Variants in GPR176 observed in about 807,000 individuals in gnomAD.
The protein encoded by GPR176 is G protein-coupled receptor 176.
A neutral mutation model predicts 35.4 loss-of-function variants in GPR176; 26 were observed. The observed-to-expected ratio is 0.74, with a 90% confidence interval of 0.54 to 1.02. The LOEUF is 1.02. GPR176 is among the 50% of genes least tolerant of loss of function. The pLI is 0.00. For synonymous variants in GPR176, 278 were observed against 271.3 expected, an observed-to-expected ratio of 1.02 and a Z score of -0.24; for missense variants, 597 against 665.3, an observed-to-expected ratio of 0.90 and a Z score of 1.13.
intron 1 of GPR176, among the ~76,000 whole-genome samples, chr15:39,855,568 A>C (rs1251335205): frequency 1.3e-5 from 2 of 152,132 alleles, no homozygotes; most frequent in Non-Finnish European, 2.9e-5. Context: ...GGTTCTCGCA[A>C]GCAGCTGTGG....
At chr15:39,847,826 T>G (rs137884961) in intron 1 of GPR176, among the ~76,000 whole-genome samples, 23 of 150,528 alleles carry the variant, frequency 1.5e-4, no homozygotes, top group African/African-American at 5.6e-4. Context: ...CACACTGCTA[T>G]AAAGAACTAC....
intron 1 of GPR176, among the ~76,000 whole-genome samples, chr15:39,873,998 T>C (rs530759544): frequency 2.0e-4 from 31 of 152,332 alleles, no homozygotes; most frequent in Middle Eastern, 6.8e-3. Flanking sequence ...CTAGCCATGC[T>C]TCCCCCAAAA....
chr15:39,817,131 C>T (rs1899972829), intron 1 of GPR176, among the ~76,000 whole-genome samples: 1 of 150,358 alleles, frequency 6.7e-6, no homozygotes, highest in Non-Finnish European at 1.5e-5. Flanking sequence ...AGTAGGTAGC[C>T]AGCAAGCGCC....
At chr15:39,833,844 A>G (rs997212465) in intron 1 of GPR176, among the ~76,000 whole-genome samples, 4 of 152,176 alleles carry the variant, frequency 2.6e-5, no homozygotes, top group South Asian at 4.1e-4. Flanking sequence ...CAGCTGGCGC[A>G]GAAATGAGTC....
At chr15:39,818,276 A>C (rs1308734529) in intron 1 of GPR176, among the ~76,000 whole-genome samples, 1 of 152,222 alleles carries the variant, frequency 6.6e-6, no homozygotes, top group Non-Finnish European at 1.5e-5. Context: ...TTTTAGCTAC[A>C]ATTAATTTGA....
chr15:39,823,355 C>A (rs1391757906), intron 1 of GPR176, among the ~76,000 whole-genome samples: 1 of 152,128 alleles, frequency 6.6e-6, no homozygotes, highest in East Asian at 1.9e-4. Flanking sequence ...TCTTCCTCCT[C>A]CAATATTATC....
chr15:39,869,634 T>C (rs904656841), intron 1 of GPR176, among the ~76,000 whole-genome samples: 3 of 152,226 alleles, frequency 2.0e-5, no homozygotes, highest in African/African-American at 7.2e-5. Context: ...TTTTAATCCC[T>C]TCATTCTTTT....
intron 1 of GPR176, among the ~76,000 whole-genome samples, chr15:39,822,234 T>C (rs1296453055): frequency 6.6e-6 from 1 of 152,214 alleles, no homozygotes; most frequent in Non-Finnish European, 1.5e-5. Flanking sequence ...GCTAAGCTGT[T>C]CCTAAATTCC....
intron 1 of GPR176, among the ~76,000 whole-genome samples, chr15:39,874,424 T>G (rs928126038): frequency 1.3e-5 from 2 of 152,244 alleles, no homozygotes; most frequent in African/African-American, 4.8e-5. Context: ...CTTTTTTTTA[T>G]ATTGACAGAG....
At chr15:39,811,320 T>C (rs1002831083) in intron 1 of GPR176, among the ~76,000 whole-genome samples, 7 of 152,202 alleles carry the variant, frequency 4.6e-5, no homozygotes, top group Non-Finnish European at 4.4e-5. Context: ...CACGCCACTC[T>C]ACCCAGCTAG....
intron 2 of GPR176, among the ~76,000 whole-genome samples, chr15:39,804,997 T>C (rs1360104823): frequency 6.6e-6 from 1 of 152,194 alleles, no homozygotes; most frequent in Middle Eastern, 3.2e-3. Flanking sequence ...AATAGAAATG[T>C]TTTAAAATTA....
chr15:39,860,672 G>A (rs1185591953), intron 1 of GPR176: 1 of 152,212 alleles, frequency 6.6e-6, no homozygotes, highest in East Asian at 1.9e-4. Flanking sequence ...GCTTACCCTA[G>A]TATGGATAGG....
intron 1 of GPR176, among the ~76,000 whole-genome samples, chr15:39,856,594 C>T (rs1174458279): frequency 6.6e-6 from 1 of 152,196 alleles, no homozygotes; most frequent in African/African-American, 2.4e-5. Context: ...CCAGGTGAAC[C>T]TTTTCACAGG....
chr15:39,892,386 T>C (rs491215), intron 1 of GPR176, among the ~76,000 whole-genome samples: 61,432 of 151,946 alleles, frequency 0.4, 12,793 homozygotes, highest in African/African-American at 0.5. Context: ...GAGATGACAG[T>C]AGTGGATGTG....
At chr15:39,840,973 T>C (rs796214086) in intron 1 of GPR176, among the ~76,000 whole-genome samples, 73 of 152,248 alleles carry the variant, frequency 4.8e-4, no homozygotes, top group African/African-American at 1.7e-3. Context: ...CATGATCACA[T>C]AGTAATTAAT....
intron 1 of GPR176, among the ~76,000 whole-genome samples, chr15:39,907,326 C>T (rs2033450807): frequency 6.6e-6 from 1 of 152,176 alleles, no homozygotes. Context: ...CGTGATCTAG[C>T]CCAGACTCTT....
At chr15:39,821,932 C>T (rs1900302303) in intron 1 of GPR176, among the ~76,000 whole-genome samples, 1 of 152,240 alleles carries the variant, frequency 6.6e-6, no homozygotes, top group African/African-American at 2.4e-5. Flanking sequence ...TAGGACATGA[C>T]AGAAATGTCT....
chr15:39,848,654 G>C (rs1010030620), intron 1 of GPR176, among the ~76,000 whole-genome samples: 5 of 151,974 alleles, frequency 3.3e-5, no homozygotes, highest in African/African-American at 1.2e-4. Context: ...ATTAGTAAAA[G>C]AAAGACAACA....
intron 1 of GPR176, among the ~76,000 whole-genome samples, chr15:39,814,107 G>C (rs1447928096): frequency 6.6e-6 from 1 of 152,148 alleles, no homozygotes; most frequent in African/African-American, 2.4e-5. Context: ...TAAAATGTTT[G>C]CAACTGTGCA....
Sources: allele counts gnomAD v4.1 joint callset (sites outside exome capture counted in the v4.1 genomes callset), GRCh38; gene constraint gnomAD v4.1.1; transcripts MANE v1.5; gene names NCBI Gene and HGNC (gene_info 2026-07-23, HGNC 2026-07-21).